The following GSAP variants were observed in gnomAD, a reference collection of about 807,000 sequenced individuals.
The protein encoded by GSAP is gamma-secretase activating protein.
In GSAP, 118 loss-of-function variants were observed where a neutral mutation model predicts 131.7. The ratio of observed to expected loss-of-function variants is 0.90; its 90% CI spans 0.77 to 1.04. GSAP has a LOEUF of 1.04. GSAP is among the 50% of genes least tolerant of loss of function. GSAP has a pLI of 0.00. For missense variants in GSAP, 1,019 were observed against 1,013.2 expected, an observed-to-expected ratio of 1.01 and a Z score of -0.08; for synonymous variants, 381 against 363.4, an observed-to-expected ratio of 1.05 and a Z score of -0.55.
Position 77,374,121 on chromosome 7 carries a change from G to T in GSAP, c.820C>A (p.Arg274=), listed in dbSNP as rs141347640. 2.5e-6 allele frequency: 4 copies of T among 1,589,870 alleles called. No homozygotes were observed. The highest frequency in any genetic ancestry group is 3.4e-6 in the Non-Finnish European group (4 of 1,161,778). The stretch of plus-strand genomic sequence containing the variant: ...GTCAGGTGTTTGGAAAATTTATCTC[G>T]GTATTGATGATAATCACATCCAAAG... ...VNFGCDYHQY[R]DKFSKHLTLC... is the part of the protein sequence containing the mutation. Residue 274 remains arginine, a synonymous_variant, in exon 12 of 31, where the codon CGA becomes AGA. Coordinates refer to ENST00000257626, the MANE Select transcript of GSAP (RefSeq NM_017439.4).
At position 77,313,497 on chromosome 7, in the gene GSAP, C is replaced by A. The variant is rs770300296; in HGVS notation, c.2262G>T (p.Arg754=). The A allele has an allele frequency of 6.4e-7, 1 of 1,551,692 alleles. No homozygotes were observed. Residue 754 remains arginine, a synonymous_variant, in exon 28 of 31, where the codon CGG becomes CGT. Transcript: ENST00000257626. ...TGTAACTCAGTATTACCGGAGGAAG[C>A]CGCACAATGATACTGAATTTCAGTT... The part of the protein sequence containing the change: ...NEKLKFSIIV[R]LPPLIGQKIC...
chr7:77,336,425 T>TGAA (rs745520718), intron 19 of GSAP, among the ~76,000 whole-genome samples: 7 of 152,288 alleles, frequency 4.6e-5, no homozygotes, highest in South Asian at 2.1e-4. Flanking sequence ...GGAAGTAGGC[T>TGAA]GAAGACACCT....
intron 3 of GSAP, among the ~76,000 whole-genome samples, chr7:77,403,872 A>G (rs1014892820): frequency 1.3e-5 from 2 of 152,260 alleles, no homozygotes; most frequent in East Asian, 3.8e-4. Flanking sequence ...GAAGAGAAGG[A>G]AAGCAAAGAA....
rs569860195 is a variant in GSAP at position 77,374,987 on chromosome 7, T to C, written c.785+71A>G. The C allele has an allele frequency of 1.5e-3, 1,130 of 736,872 alleles. 9 individuals carry two copies. Among genetic ancestry groups the C allele is most frequent in the Non-Finnish European group, 2.3e-3 (964 of 425,220 alleles). The allele number at this position is 736,872 out of a possible 1,614,324, so 45.6% of individuals were successfully genotyped here. A position where few individuals can be genotyped will look rare whatever the true frequency, so the allele number is the denominator to read the frequency against. ...CTCTCTTTTTATCTGCATAATATAA[T>C]GTACGAATAAATATAATCATTTTGC... On this transcript the variant is annotated intron_variant, in intron 11 of 30. Transcript: ENST00000257626.
At chr7:77,342,240 A>AG (rs1373904728) in intron 19 of GSAP, among the ~76,000 whole-genome samples, 1 of 152,150 alleles carries the variant, frequency 6.6e-6, no homozygotes, top group Non-Finnish European at 1.5e-5. Flanking sequence ...TTACAGTGGA[A>AG]GGTAAGTCTG....
intron 26 of GSAP, among the ~76,000 whole-genome samples, chr7:77,318,461 A>C (rs1304149258): frequency 6.6e-6 from 1 of 152,242 alleles, no homozygotes; most frequent in African/African-American, 2.4e-5. Flanking sequence ...TGAATGGATG[A>C]ATATATATGA....
intron 26 of GSAP, among the ~76,000 whole-genome samples, chr7:77,317,026 A>T (rs892642479): frequency 3.3e-5 from 5 of 152,204 alleles, no homozygotes; most frequent in Non-Finnish European, 5.9e-5. Flanking sequence ...ATAGGCCTGG[A>T]AAGCAAGCAC....
In GSAP at chr7:77,335,333, G is replaced by A. The variant is rs562566413; in HGVS notation, c.1546-4966C>T. Among the ~76,000 whole-genome samples, 5 of 152,304 alleles carry A rather than the reference G, an allele frequency of 3.3e-5. No individual in the cohort carries two copies. In the East Asian group the frequency reaches 9.6e-4, roughly 29 times the overall value. ...GATCACTTGAACCTGGGGAGGCAGAGGTTGCAGTAAGCCAAGAACATGCCA... is the reference window on the plus strand; with the variant it reads ...GATCACTTGAACCTGGGGAGGCAGAAGTTGCAGTAAGCCAAGAACATGCCA... On this transcript the variant is annotated intron_variant, in intron 19 of 30. Transcript: ENST00000257626.
chr7:77,413,787 A>G (rs770748192), intron 1 of GSAP, among the ~76,000 whole-genome samples: 2 of 152,214 alleles, frequency 1.3e-5, no homozygotes, highest in African/African-American at 2.4e-5. Flanking sequence ...GGAGCACATA[A>G]GAGACTTCAA....
At chr7:77,369,410 G>A (rs887795276) in intron 12 of GSAP, among the ~76,000 whole-genome samples, 7 of 152,280 alleles carry the variant, frequency 4.6e-5, no homozygotes, top group African/African-American at 1.4e-4. Context: ...TCATGAGCAC[G>A]CCCATCCCTA....
At chr7:77,378,328 A>G (rs1295616909) in intron 8 of GSAP, among the ~76,000 whole-genome samples, 5 of 151,998 alleles carry the variant, frequency 3.3e-5, no homozygotes, top group Admixed American at 3.3e-4. Context: ...CTAAAAAAAT[A>G]CAAAAATTAG....
chr7:77,413,039 C>T (rs1803575156), intron 1 of GSAP, among the ~76,000 whole-genome samples: 1 of 152,206 alleles, frequency 6.6e-6, no homozygotes, highest in Non-Finnish European at 1.5e-5. Context: ...ACCCCAGAAA[C>T]CCCCCAAAAG....
chr7:77,353,630 C>G lies in GSAP; in HGVS notation c.1350G>C (p.Trp450Cys). 2 of 1,607,182 alleles carry G rather than the reference C, an allele frequency of 1.2e-6. No individual in the cohort carries two copies. Among genetic ancestry groups the G allele is most frequent in the Non-Finnish European group, 8.5e-7 (1 of 1,174,662 alleles). The change falls in exon 17 of 31, where the codon TGG becomes TGC. Residue 450 changes from tryptophan to cysteine, a missense_variant. Trp to Cys is a radical substitution (Grantham distance 215, BLOSUM62 -2). Transcript: ENST00000257626. ...AQFLEAQIIQ[W>C]ISENVSACHS... ...GGCAGGCAGAGACATTCTCAGAAAT[C>G]CACTGAATAATCTTTAAAAAGTCAG...
rs926375301 is a variant in GSAP at position 77,337,307 on chromosome 7, G to T, written c.1546-6940C>A. On this transcript the variant is annotated intron_variant, in intron 19 of 30. Coordinates refer to ENST00000257626, the MANE Select transcript of GSAP (RefSeq NM_017439.4). ...AACGGGGGCGGGGGTGGGGTGGGGG[G>T]GGGGTTACAGGCGTGTACCACCACA... 4.7e-5 allele frequency among the ~76,000 whole-genome samples: 7 copies of T among 147,630 alleles called. No homozygotes were observed. In the South Asian group the frequency reaches 6.5e-4, roughly 14 times the overall value.
Position 77,381,317 on chromosome 7 carries a change from A to C in GSAP, c.564T>G (p.Asp188Glu). Reference sequence around the variant, plus strand: ...TTCAAATCTTTACCACTCTATTTCCATCTTCTTGGGCGACATGGATACGAA... The same window carrying C: ...TTCAAATCTTTACCACTCTATTTCCCTCTTCTTGGGCGACATGGATACGAA... Reference protein sequence around the residue: ...EQFRIHVAQEDGNRVVIKNSG... With the variant: ...EQFRIHVAQEEGNRVVIKNSG... The change falls in exon 8 of 31, where the codon GAT (aspartate) becomes GAG (glutamate). Residue 188 changes from aspartate (D) to glutamate (E), a missense_variant. Transcript: ENST00000257626. The C allele has an allele frequency of 1.3e-6, 2 of 1,560,964 alleles. No individual in the cohort carries two copies. The highest frequency in any genetic ancestry group is 2.7e-5 in the African/African-American group (2 of 72,758).
intron 14 of GSAP, among the ~76,000 whole-genome samples, chr7:77,357,946 T>C (rs1377444345): frequency 1.3e-5 from 2 of 152,250 alleles, no homozygotes; most frequent in Non-Finnish European, 2.9e-5. Context: ...ACTAGCCTGA[T>C]TTGATCATTC....
chr7:77,355,520 G>T, intron 15 of GSAP, 35 bp downstream of exon 15: 1 of 1,527,844 alleles, frequency 6.5e-7, no homozygotes. Context: ...AAACTCAAAT[G>T]GGCCACCTCT....
chr7:77,383,240 G>A (rs1798046390), intron 6 of GSAP, among the ~76,000 whole-genome samples: 1 of 151,792 alleles, frequency 6.6e-6, no homozygotes, highest in Admixed American at 6.6e-5. Context: ...TTCTAGGGAT[G>A]GTACTTCCTA....
At chr7:77,410,652 G>C (rs1729413267) in intron 1 of GSAP, among the ~76,000 whole-genome samples, 1 of 152,206 alleles carries the variant, frequency 6.6e-6, no homozygotes, top group Non-Finnish European at 1.5e-5. Context: ...TGGTTGGCCA[G>C]ATATTCTCAT....
Sources: allele counts gnomAD v4.1 joint callset (sites outside exome capture counted in the v4.1 genomes callset), GRCh38; gene constraint gnomAD v4.1.1; transcripts MANE v1.5; gene names NCBI Gene and HGNC (gene_info 2026-07-23, HGNC 2026-07-21).